Variants in MAP3K2 observed in about 807,000 individuals in gnomAD.
The protein encoded by MAP3K2 is mitogen-activated protein kinase kinase kinase 2.
A neutral mutation model predicts 80.3 loss-of-function variants in MAP3K2; 24 were observed. That is an observed-to-expected ratio of 0.30 (90% CI 0.22 to 0.42). MAP3K2 has a LOEUF of 0.42. MAP3K2 is among the 10% of genes least tolerant of loss of function. The pLI is 1.00. For missense variants in MAP3K2, 608 were observed against 750.1 expected, an observed-to-expected ratio of 0.81 and a Z score of 2.21; for synonymous variants, 244 against 253.7, an observed-to-expected ratio of 0.96 and a Z score of 0.36.
At position 127,373,823 on chromosome 2, in the gene MAP3K2, AGG is replaced by A. The variant is rs1687105709; in HGVS notation, c.-66+13627_-66+13628del. Among the ~76,000 whole-genome samples the A allele has an allele frequency of 1.4e-4, 21 of 152,314 alleles. No individual in the cohort carries two copies. The South Asian group carries it at 2.9e-3, about 21-fold the overall frequency. ...GCCTCAGACAATGCAATCAGTTGCT[AGG>A]TTATGACCCTGATATCATCAGGATT... On this transcript the variant is annotated intron_variant, in intron 1 of 16. Coordinates refer to ENST00000682094, the MANE Select transcript of MAP3K2 (RefSeq NM_001371910.2).
intron 11 of MAP3K2, among the ~76,000 whole-genome samples, chr2:127,323,546 G>GTGTGATGGCAAATGCC (rs2104823431): frequency 6.6e-6 from 1 of 152,126 alleles, no homozygotes; most frequent in South Asian, 2.1e-4. Context: ...AATTAGCTGG[G>GTGTGATGGCAAATGCC]TGTGATGGCA....
At chr2:127,330,535 T>C in intron 5 of MAP3K2, 30 bp from the exon 6 acceptor site, 1 of 1,119,342 alleles carries the variant, frequency 8.9e-7, no homozygotes, top group Non-Finnish European at 1.3e-6. Flanking sequence ...ACCATGCAGC[T>C]ATCTCACCAG....
intron 1 of MAP3K2, among the ~76,000 whole-genome samples, chr2:127,358,559 T>C (rs1397127440): frequency 6.6e-6 from 1 of 151,830 alleles, no homozygotes; most frequent in Non-Finnish European, 1.5e-5. Flanking sequence ...GTGTGGCATA[T>C]CCATATGACG....
Position 127,298,796 on chromosome 2 carries a change from T to C in MAP3K2, c.*8783A>G, listed in dbSNP as rs1178499049. 6.6e-6 allele frequency: 1 copy of C among 152,208 alleles called. No homozygotes were observed. Among genetic ancestry groups the C allele is most frequent in the Non-Finnish European group, 1.5e-5 (1 of 68,024 alleles). 9.4% of individuals were successfully genotyped at this position (152,208 alleles called of 1,614,324 possible). A position where few individuals can be genotyped will look rare whatever the true frequency, so the allele number is the denominator to read the frequency against. On this transcript the variant is annotated 3_prime_UTR_variant, in exon 17 of 17. Transcript: ENST00000682094. ...ACAATCTTTCAAAAAAATGAACATG[T>C]AAGAAAAAGCAGTTTTCATTGTGCT...
chr2:127,330,835 A>T (rs7585929), intron 5 of MAP3K2, among the ~76,000 whole-genome samples: 3 of 152,216 alleles, frequency 2.0e-5, no homozygotes, highest in Non-Finnish European at 4.4e-5. Context: ...AAGAATGAAG[A>T]AGTACAGACA....
At position 127,309,248 on chromosome 2, in the gene MAP3K2, G is replaced by A. The variant is rs1264869604; in HGVS notation, c.1457-486C>T. On this transcript the variant is annotated intron_variant, in intron 15 of 16. Coordinates refer to ENST00000682094, the MANE Select transcript of MAP3K2 (RefSeq NM_001371910.2). ...AAATTTAGTTACCTTACATTTTAGA[G>A]TTTTCTTAATATTGAATCTTGCTTT... 2.0e-5 allele frequency among the ~76,000 whole-genome samples: 3 copies of A among 151,992 alleles called. No individual in the cohort carries two copies. In the East Asian group the frequency reaches 5.8e-4, roughly 29 times the overall value.
chr2:127,311,067 C>A (rs572542279), intron 15 of MAP3K2, among the ~76,000 whole-genome samples: 4 of 152,142 alleles, frequency 2.6e-5, no homozygotes, highest in Non-Finnish European at 5.9e-5. Flanking sequence ...AGAGACCCCA[C>A]CCCTATCACG....
chr2:127,319,516 A>T (rs1312545498), intron 12 of MAP3K2, among the ~76,000 whole-genome samples: 1 of 151,980 alleles, frequency 6.6e-6, no homozygotes, highest in African/African-American at 2.4e-5. Context: ...GGCACAAAAG[A>T]AAGGCCAAGG....
chr2:127,342,552 C>A (rs996034140), intron 2 of MAP3K2, among the ~76,000 whole-genome samples: 9 of 152,186 alleles, frequency 5.9e-5, no homozygotes, highest in Non-Finnish European at 8.8e-5. Context: ...TACCATTTTT[C>A]TTGATTTAGG....
At chr2:127,317,495 A>G in intron 14 of MAP3K2, 134 bp downstream of exon 14, 1 of 642,576 alleles carries the variant, frequency 1.6e-6, no homozygotes, top group Non-Finnish European at 2.5e-6. Flanking sequence ...AATACTACTC[A>G]GCTCTAATTT....
Position 127,321,617 on chromosome 2 carries a change from T to TC in MAP3K2, c.1045+428dup, listed in dbSNP as rs1269221615. ...CCACATCAGCCAAAAATTGAACTAT[T>TC]CCCCATTTTTAGATGATGTTATGGC... On this transcript the variant is annotated intron_variant, in intron 12 of 16. Coordinates refer to ENST00000682094, the MANE Select transcript of MAP3K2 (RefSeq NM_001371910.2). This position sits in a 1 kb window ranked among gnomAD's most constrained non-coding sequence, Gnocchi z 4.4. Among the ~76,000 whole-genome samples the TC allele has an allele frequency of 1.3e-5, 2 of 152,164 alleles. No homozygotes were observed. The highest frequency in any genetic ancestry group is 2.9e-5 in the Non-Finnish European group (2 of 68,032).
intron 1 of MAP3K2, among the ~76,000 whole-genome samples, chr2:127,346,485 C>A (rs1178885519): frequency 1.4e-5 from 2 of 146,838 alleles, no homozygotes; most frequent in East Asian, 3.9e-4. Flanking sequence ...AATACCAAAA[C>A]CAGACAAAGC....
At chr2:127,372,366 A>C (rs1356342671) in intron 1 of MAP3K2, among the ~76,000 whole-genome samples, 2 of 152,212 alleles carry the variant, frequency 1.3e-5, no homozygotes, top group Non-Finnish European at 2.9e-5. Flanking sequence ...CACTGGAATC[A>C]ATTAATCACT....
rs57472022 is a variant in MAP3K2 at position 127,319,650 on chromosome 2, C to CAAAAAAAAAAAAAA, written c.1046-1347_1046-1334dup. ...TGAAACCCCATCTCTACTAAAAATACAAAAAAAAAAAAAAAAAAAAAAAAA... is the reference window on the plus strand; with the variant it reads ...TGAAACCCCATCTCTACTAAAAATACAAAAAAAAAAAAAAAAAAAAAAAAAAAAAAAAAAAAAAA... On this transcript the variant is annotated intron_variant, in intron 12 of 16. Coordinates refer to ENST00000682094, the MANE Select transcript of MAP3K2 (RefSeq NM_001371910.2). Among the ~76,000 whole-genome samples, 458 of 71,832 alleles carry CAAAAAAAAAAAAAA rather than the reference C, an allele frequency of 6.4e-3. 2 individuals carry two copies. The highest frequency in any genetic ancestry group is 8.3e-3 in the Non-Finnish European group (344 of 41,608). The allele number at this position is 71,832 out of a possible 152,430, so 47.1% of individuals were successfully genotyped here.
At chr2:127,319,596 G>C (rs998516530) in intron 12 of MAP3K2, among the ~76,000 whole-genome samples, 1 of 142,782 alleles carries the variant, frequency 7.0e-6, no homozygotes, top group African/African-American at 2.7e-5. Context: ...CCTGAGGTCA[G>C]GAGTTCAAGA....
chr2:127,353,156 G>A lies in MAP3K2; in HGVS notation c.-65-9962C>T, dbSNP rs2756161. Among the ~76,000 whole-genome samples the A allele has an allele frequency of 3.9e-5, 6 of 152,066 alleles. 1 individual carries two copies. The East Asian group carries it at 1.2e-3, about 30-fold the overall frequency. ...AAGTGAGGAGCGTCTCTGCCTGGCC[G>A]CCCATCGTCTGGGATGTGAGGAGCC... On this transcript the variant is annotated intron_variant, in intron 1 of 16. Coordinates refer to ENST00000682094, the MANE Select transcript of MAP3K2 (RefSeq NM_001371910.2).
chr2:127,367,748 G>A lies in MAP3K2; in HGVS notation c.-66+19704C>T, dbSNP rs143393574. ...GCGGACGTTGTGGTGAGCCAAGATCGCACCACTGCACTCCAGCCTGGGTGA... is the reference window on the plus strand; with the variant it reads ...GCGGACGTTGTGGTGAGCCAAGATCACACCACTGCACTCCAGCCTGGGTGA... On this transcript the variant is annotated intron_variant, in intron 1 of 16. Transcript: ENST00000682094. 2.4e-3 allele frequency among the ~76,000 whole-genome samples: 368 copies of A among 152,096 alleles called. 6 individuals carry two copies. Among genetic ancestry groups the A allele is most frequent in the African/African-American group, 7.6e-3 (317 of 41,490 alleles).
intron 1 of MAP3K2, among the ~76,000 whole-genome samples, chr2:127,384,629 A>ATGAAAAGTTGCTTCTTG (rs1558993522): frequency 6.6e-6 from 1 of 152,062 alleles, no homozygotes; most frequent in Non-Finnish European, 1.5e-5. Context: ...ACTTGAACAG[A>ATGAAAAGTTGCTTCTTG]TGAAAAGTTG....
rs569215101 is a variant in MAP3K2 at position 127,386,470 on chromosome 2, A to C, written c.-66+982T>G. ...TAAATTGCCACATAATCCAGCAACAAATTTTGCAACAAGGAAATCTCAAGC... is the reference window on the plus strand; with the variant it reads ...TAAATTGCCACATAATCCAGCAACACATTTTGCAACAAGGAAATCTCAAGC... On this transcript the variant is annotated intron_variant, in intron 1 of 16. Transcript: ENST00000682094. 2.6e-5 allele frequency among the ~76,000 whole-genome samples: 4 copies of C among 152,344 alleles called. No homozygotes were observed. The East Asian group carries it at 7.7e-4, about 29-fold the overall frequency.
Sources: gnomAD v4.1 joint callset for allele counts (sites outside exome capture counted in the v4.1 genomes callset) on GRCh38, gnomAD v4.1.1 for gene constraint, Gnocchi (gnomAD v3.1) non-coding constraint, MANE v1.5 for transcripts, NCBI Gene and HGNC (gene_info 2026-07-23, HGNC 2026-07-21) for gene names.